The following CTBP2 variants were observed in gnomAD, a reference collection of about 807,000 sequenced individuals.
CTBP2 encodes C-terminal binding protein 2, also known as C-terminal-binding protein 2.
Under a neutral mutation model 80.3 loss-of-function variants are expected in CTBP2, and 30 were observed. The ratio of observed to expected loss-of-function variants is 0.37; its 90% confidence interval spans 0.28 to 0.51. The LOEUF is 0.51. Ranked by LOEUF, CTBP2 falls within the 20% of genes least tolerant of loss-of-function variation. CTBP2 has a pLI of 0.93. For synonymous variants in CTBP2, 594 were observed against 587.4 expected, an observed-to-expected ratio of 1.01 and a Z score of -0.16; for missense variants, 1,212 against 1,375.3, an observed-to-expected ratio of 0.88 and a Z score of 1.88.
chr10:125,057,536 G>A (rs974318230), intron 2 of CTBP2, among the ~76,000 whole-genome samples: 9 of 152,236 alleles, frequency 5.9e-5, no homozygotes, highest in Admixed American at 2.0e-4. Flanking sequence ...GTCTTTTGGG[G>A]ATGACGTTTT....
intron 1 of CTBP2, among the ~76,000 whole-genome samples, chr10:125,139,649 G>A (rs553511354): frequency 6.6e-6 from 1 of 152,272 alleles, no homozygotes; most frequent in South Asian, 2.1e-4. Flanking sequence ...AAGCACCGCT[G>A]GAGGGGCTCT....
chr10:125,040,692 A>G (rs1959461355), intron 2 of CTBP2, among the ~76,000 whole-genome samples: 1 of 152,082 alleles, frequency 6.6e-6, no homozygotes, highest in Admixed American at 6.6e-5. Flanking sequence ...ATGAGGCCCA[A>G]GGGGTAGAAA....
intron 2 of CTBP2, among the ~76,000 whole-genome samples, chr10:125,082,840 C>A (rs1267660297): frequency 6.6e-6 from 1 of 152,132 alleles, no homozygotes; most frequent in South Asian, 2.1e-4. Context: ...CCGCTCGCCT[C>A]GGCCTCCTGA....
intron 2 of CTBP2, among the ~76,000 whole-genome samples, chr10:125,063,442 C>T (rs79283431): frequency 0.02 from 3,081 of 152,278 alleles, 108 homozygotes; most frequent in African/African-American, 0.071. Context: ...CTGGCAAGGA[C>T]ACCCCAGGAT....
chr10:125,061,388 G>A (rs978792452), intron 2 of CTBP2, among the ~76,000 whole-genome samples: 1 of 152,116 alleles, frequency 6.6e-6, no homozygotes, highest in Non-Finnish European at 1.5e-5. Flanking sequence ...GGCTCCACTG[G>A]CAGCCGCCCT....
chr10:124,985,253 A>C lies in CTBP2; in HGVS notation c.*4265T>G, dbSNP rs1952007428. 2 of 395,206 alleles carry C rather than the reference A, an allele frequency of 5.1e-6. No individual in the cohort carries two copies. The highest frequency in any genetic ancestry group is 8.3e-5 in the Admixed American group (2 of 24,038). The allele number at this position is 395,206 out of a possible 1,614,324, so 24.5% of individuals were successfully genotyped here. ...GAACTTTTTTTCCTTCCAAATTGTA[A>C]ATCTGTCTATAAATGTAACGCATGT... is the stretch of plus-strand genomic sequence containing the variant. On this transcript the variant is annotated 3_prime_UTR_variant, in exon 9 of 9. Coordinates refer to ENST00000309035, the MANE Select transcript of CTBP2 (RefSeq NM_022802.3).
At chr10:125,017,622 A>C (rs1956622346) in intron 1 of CTBP2, among the ~76,000 whole-genome samples, 1 of 152,214 alleles carries the variant, frequency 6.6e-6, no homozygotes, top group Non-Finnish European at 1.5e-5. Flanking sequence ...TTTACATTCC[A>C]TTTAATCACA....
intron 2 of CTBP2, among the ~76,000 whole-genome samples, chr10:125,090,217 G>A (rs1199823712): frequency 6.6e-6 from 1 of 150,442 alleles, no homozygotes; most frequent in Non-Finnish European, 1.5e-5. Context: ...TACTTTAATA[G>A]GAAGAGGCTG....
chr10:125,158,389 T>C (rs1380768814), intron 1 of CTBP2, among the ~76,000 whole-genome samples: 1 of 152,252 alleles, frequency 6.6e-6, no homozygotes. Context: ...AGAATCACTT[T>C]GTAAACTTCC....
At chr10:125,153,320 A>C (rs892644381) in intron 1 of CTBP2, among the ~76,000 whole-genome samples, 1 of 152,212 alleles carries the variant, frequency 6.6e-6, no homozygotes, top group Non-Finnish European at 1.5e-5. Context: ...AGCAACACCA[A>C]GTGGGGTGTC....
chr10:125,144,331 TCTCG>T (rs1858366356), intron 1 of CTBP2, among the ~76,000 whole-genome samples: 1 of 152,182 alleles, frequency 6.6e-6, no homozygotes, highest in Non-Finnish European at 1.5e-5. Context: ...CCAGTTCGGA[TCTCG>T]CTCGATCATT....
chr10:125,161,638 G>C (rs983557708), upstream of CTBP2, among the ~76,000 whole-genome samples: 26 of 152,160 alleles, frequency 1.7e-4, no homozygotes, highest in Admixed American at 5.2e-4. Flanking sequence ...CGCTGTGGGT[G>C]CGCAGGGAAG....
intron 2 of CTBP2, among the ~76,000 whole-genome samples, chr10:125,098,657 G>GGAGAGAGAGAGAGA (rs565818097): frequency 1.1e-3 from 50 of 44,986 alleles, no homozygotes; most frequent in Middle Eastern, 9.4e-3. Flanking sequence ...TGGGGGAGGG[G>GGAGAGAGAGAGAGA]GAGAGAGAGA....
intron 1 of CTBP2, among the ~76,000 whole-genome samples, chr10:125,156,156 A>G (rs1240745515): frequency 6.6e-6 from 1 of 152,208 alleles, no homozygotes; most frequent in Non-Finnish European, 1.5e-5. Flanking sequence ...CAAAGTGGAA[A>G]TATTACCTGA....
At chr10:125,034,913 G>A (rs1248959721) in intron 3 of CTBP2, among the ~76,000 whole-genome samples, 3 of 152,222 alleles carry the variant, frequency 2.0e-5, no homozygotes, top group Non-Finnish European at 2.9e-5. Flanking sequence ...GCTGCTGGAA[G>A]AAGGAAAGAG....
intron 4 of CTBP2, chr10:124,997,728 A>C (rs187030583): frequency 5.3e-6 from 3 of 568,640 alleles, no homozygotes; most frequent in Admixed American, 3.3e-5. Flanking sequence ...CCTGCCAGAC[A>C]CTACAGACAG....
At chr10:125,036,631 T>A (rs757999362) in intron 3 of CTBP2, among the ~76,000 whole-genome samples, 1 of 151,212 alleles carries the variant, frequency 6.6e-6, no homozygotes, top group Non-Finnish European at 1.5e-5. Context: ...AAGTAGTTGA[T>A]AGAATAGAAA....
rs542071191 is a variant in CTBP2, at chr10:125,086,925, C to T, written c.-102+24065G>A. Among the ~76,000 whole-genome samples the T allele has an allele frequency of 3.2e-4, 49 of 152,230 alleles. 1 individual carries two copies. The highest frequency in any genetic ancestry group is 1.1e-3 in the African/African-American group (47 of 41,542). ...AGTGGGAGCGCGGCCACTGCACCTGCGGATCCTGAGGAACAGTCCACGACA... is the reference window on the plus strand; with the variant it reads ...AGTGGGAGCGCGGCCACTGCACCTGTGGATCCTGAGGAACAGTCCACGACA... On this transcript the variant is annotated intron_variant, in intron 2 of 10. Transcript: ENST00000337195.
intron 1 of CTBP2, among the ~76,000 whole-genome samples, chr10:125,127,766 A>C (rs182209559): frequency 1.0e-3 from 157 of 152,280 alleles, no homozygotes; most frequent in African/African-American, 3.6e-3. Context: ...TGTTTCCCTG[A>C]AGGACACACG....
Sources: allele counts gnomAD v4.1 joint callset (sites outside exome capture counted in the v4.1 genomes callset), GRCh38; gene constraint gnomAD v4.1.1; transcripts MANE v1.5; gene names NCBI Gene and HGNC (gene_info 2026-07-23, HGNC 2026-07-21).